The following LAMC1 variants were observed in gnomAD, a reference collection of about 807,000 sequenced individuals.
The protein encoded by LAMC1 is laminin subunit gamma 1.
LAMC1 carries 38 observed loss-of-function variants against 173.6 expected under a neutral mutation model. The ratio of observed to expected loss-of-function variants is 0.22; its 90% CI spans 0.17 to 0.29. LAMC1 has a LOEUF of 0.29. Ranked by LOEUF, LAMC1 falls within the 10% of genes least tolerant of loss-of-function variation. The pLI is 1.00. For synonymous variants in LAMC1, 746 were observed against 749.1 expected (o/e 1.00, Z 0.07); for missense variants, 1,824 against 2,051.8 (o/e 0.89, Z 2.14).
At chr1:183,089,957 A>T (rs1039758830) in intron 1 of LAMC1, among the ~76,000 whole-genome samples, 13 of 152,218 alleles carry the variant, frequency 8.5e-5, no homozygotes, top group African/African-American at 3.1e-4. Flanking sequence ...CAGAAGATTC[A>T]CAACAACCAG....
intron 26 of LAMC1, chr1:183,138,202 A>G (rs1657001956): frequency 9.2e-6 from 9 of 975,016 alleles, no homozygotes; most frequent in Non-Finnish European, 1.1e-5. Context: ...CTTTAGAGAC[A>G]AAGACAAGTT....
At chr1:183,050,863 C>T (rs1654406637) in intron 1 of LAMC1, among the ~76,000 whole-genome samples, 1 of 143,118 alleles carries the variant, frequency 7.0e-6, no homozygotes, top group Non-Finnish European at 1.5e-5. Flanking sequence ...TGCATTCCAG[C>T]CTGGGCAACA....
intron 2 of LAMC1, among the ~76,000 whole-genome samples, chr1:183,104,063 GA>G (rs1211814102): frequency 6.6e-6 from 1 of 152,096 alleles, no homozygotes; most frequent in African/African-American, 2.4e-5. Flanking sequence ...TAGCAAAGGG[GA>G]ACCGTTGAAG....
chr1:183,047,095 A>C (rs750922298), intron 1 of LAMC1, among the ~76,000 whole-genome samples: 4 of 152,140 alleles, frequency 2.6e-5, no homozygotes, highest in Non-Finnish European at 5.9e-5. Flanking sequence ...TAGCTCTAAA[A>C]TATCAAATTA....
At chr1:183,123,002 C>G (rs1455325009) in intron 13 of LAMC1, among the ~76,000 whole-genome samples, 2 of 152,138 alleles carry the variant, frequency 1.3e-5, no homozygotes, top group Admixed American at 1.3e-4. Flanking sequence ...ATTGTGTCAG[C>G]CATTTTCTGC....
At chr1:183,139,626 C>G (rs1200298937) in intron 26 of LAMC1, among the ~76,000 whole-genome samples, 1 of 152,164 alleles carries the variant, frequency 6.6e-6, no homozygotes, top group African/African-American at 2.4e-5. Flanking sequence ...GTTGTCCTTA[C>G]TCAAAACTAG....
At chr1:183,056,852 C>G (rs1654610817) in intron 1 of LAMC1, among the ~76,000 whole-genome samples, 1 of 152,210 alleles carries the variant, frequency 6.6e-6, no homozygotes, top group Admixed American at 6.5e-5. Flanking sequence ...ACTTGTACTT[C>G]ATGGGACAGA....
At chr1:183,035,899 A>T (rs1653967064) in intron 1 of LAMC1, among the ~76,000 whole-genome samples, 1 of 152,134 alleles carries the variant, frequency 6.6e-6, no homozygotes, top group East Asian at 1.9e-4. Context: ...CAACCCCCTT[A>T]GAGTATAATA....
intron 13 of LAMC1, among the ~76,000 whole-genome samples, chr1:183,122,567 T>C (rs1286418491): frequency 6.6e-6 from 1 of 152,170 alleles, no homozygotes; most frequent in Non-Finnish European, 1.5e-5. Context: ...TTTCCAGCCC[T>C]GGCACCTCTC....
intron 1 of LAMC1, among the ~76,000 whole-genome samples, chr1:183,082,934 T>C (rs1249616169): frequency 6.6e-6 from 1 of 152,190 alleles, no homozygotes; most frequent in East Asian, 1.9e-4. Context: ...TGTTGTGATA[T>C]GGTGGAGCAG....
At chr1:183,127,533 C>A (rs1413389) in intron 17 of LAMC1, 129 bp downstream of exon 17, 1 of 726,362 alleles carries the variant, frequency 1.4e-6, no homozygotes, top group Non-Finnish European at 2.2e-6. Flanking sequence ...GACTTATGTT[C>A]CAGTTGGGAG....
intron 1 of LAMC1, among the ~76,000 whole-genome samples, chr1:183,037,224 AAGTGTACCCTACCT>A (rs1654006691): frequency 6.6e-6 from 1 of 152,184 alleles, no homozygotes; most frequent in Non-Finnish European, 1.5e-5. Flanking sequence ...CTGACAGGAA[AAGTGTACCCTACCT>A]CATTTCCTGA....
intron 1 of LAMC1, among the ~76,000 whole-genome samples, chr1:183,089,405 C>T (rs1655511641): frequency 6.6e-6 from 1 of 152,228 alleles, no homozygotes; most frequent in Non-Finnish European, 1.5e-5. Context: ...CTGAAATATG[C>T]TATGTAAATA....
intron 6 of LAMC1, among the ~76,000 whole-genome samples, chr1:183,116,214 C>T (rs1656317013): frequency 6.6e-6 from 1 of 152,050 alleles, no homozygotes; most frequent in Admixed American, 6.5e-5. Flanking sequence ...GCCTGTGGCT[C>T]ACGCCTGTAA....
intron 4 of LAMC1, among the ~76,000 whole-genome samples, chr1:183,111,699 GT>G (rs1656158481): frequency 6.6e-6 from 1 of 152,078 alleles, no homozygotes; most frequent in Admixed American, 6.5e-5. Flanking sequence ...ATCATATTCT[GT>G]TAAGAATAAA....
intron 2 of LAMC1, 112 bp from the exon 3 acceptor site, chr1:183,108,164 G>C: frequency 1.1e-6 from 1 of 940,294 alleles, no homozygotes; most frequent in Non-Finnish European, 1.6e-6. Flanking sequence ...TAGTGCTAAA[G>C]AGGGCGTAAG....
chr1:183,135,163 A>G lies in LAMC1; in HGVS notation c.4114+7A>G, dbSNP rs764711341. The G allele has an allele frequency of 6.3e-7, 1 of 1,575,872 alleles. No individual in the cohort carries two copies. Among genetic ancestry groups the G allele is most frequent in the South Asian group, 1.1e-5 (1 of 90,048 alleles). ...ATTCTCAACAACCTGAAAGGTAGAA[A>G]AGGCTGAGATAACAGGGGCAAATGC... On this transcript the variant is annotated splice_region_variant and intron_variant, in intron 24 of 27. Coordinates refer to ENST00000258341, the MANE Select transcript of LAMC1 (RefSeq NM_002293.4).
chr1:183,136,280 C>T, intron 24 of LAMC1, 106 bp from the exon 25 acceptor site: 2 of 925,224 alleles, frequency 2.2e-6, no homozygotes, highest in Admixed American at 2.3e-5. Flanking sequence ...CATTTTTTAC[C>T]CTGACTTCCA....
At chr1:183,081,167 C>T (rs953009798) in intron 1 of LAMC1, among the ~76,000 whole-genome samples, 6 of 151,956 alleles carry the variant, frequency 3.9e-5, no homozygotes, top group Non-Finnish European at 8.8e-5. Context: ...GGATTATAGG[C>T]GTCAGCCACC....
Sources: gnomAD v4.1 joint callset for allele counts (sites outside exome capture counted in the v4.1 genomes callset) on GRCh38, gnomAD v4.1.1 for gene constraint, MANE v1.5 for transcripts, NCBI Gene and HGNC (gene_info 2026-07-23, HGNC 2026-07-21) for gene names.